Variants in CALN1 observed in about 807,000 individuals in gnomAD.
CALN1 encodes calcium-binding protein 8.
CALN1 carries 17 observed loss-of-function variants against 30.6 expected under a neutral mutation model. The observed-to-expected ratio is 0.56, with a 90% CI of 0.38 to 0.83. The LOEUF (loss-of-function observed/expected upper bound fraction) is 0.83. Ranked by LOEUF, CALN1 falls within the 40% of genes least tolerant of loss-of-function variation. The probability of loss-of-function intolerance (pLI) is 0.00; values close to 1 mark genes in which losing one functional copy is unlikely to be tolerated. For synonymous variants in CALN1, 156 were observed against 131.4 expected (o/e 1.19, Z -1.28); for missense variants, 291 against 354.9 (o/e 0.82, Z 1.45).
At chr7:71,982,756 G>A (rs539884867) in intron 5 of CALN1, among the ~76,000 whole-genome samples, 54 of 152,266 alleles carry the variant, frequency 3.5e-4, no homozygotes, top group African/African-American at 1.3e-3. Context: ...CCTTTCAGTG[G>A]AAAGCAGCCC....
At chr7:72,490,441 C>T in the CALN1 span, among the ~76,000 whole-genome samples, 2 of 152,136 alleles carry the variant, frequency 1.3e-5, no homozygotes, top group Non-Finnish European at 2.9e-5. Flanking sequence ...ACTGTGCTGC[C>T]GTGGCCATGT....
Position 72,315,974 on chromosome 7 carries a change from C to T in CALN1, c.120-37164G>A, listed in dbSNP as rs545779943. Reference sequence around the variant, plus strand: ...CCAGCCTGGCCAACATGGTGAAACCCCGTCTCTACTAAAAAAAAATACAAA... The same window carrying T: ...CCAGCCTGGCCAACATGGTGAAACCTCGTCTCTACTAAAAAAAAATACAAA... On this transcript the variant is annotated intron_variant, in intron 2 of 6. Coordinates refer to ENST00000395275, the MANE Select transcript of CALN1 (RefSeq NM_031468.4). Among the ~76,000 whole-genome samples, 14 of 151,842 alleles carry T rather than the reference C, an allele frequency of 9.2e-5. No individual in the cohort carries two copies. In the South Asian group the frequency reaches 2.9e-3, roughly 32 times the overall value.
chr7:72,242,358 A>T (rs1794898441), intron 3 of CALN1, among the ~76,000 whole-genome samples: 1 of 152,216 alleles, frequency 6.6e-6, no homozygotes, highest in Non-Finnish European at 1.5e-5. Flanking sequence ...GTATAGGCAT[A>T]AATTGATGGA....
chr7:72,118,913 C>T (rs897769668), intron 3 of CALN1, among the ~76,000 whole-genome samples: 2 of 151,972 alleles, frequency 1.3e-5, no homozygotes, highest in African/African-American at 4.8e-5. Context: ...ACTGCTCCTC[C>T]AAAAAAGCAT....
chr7:72,139,754 C>G (rs137952919), intron 3 of CALN1, among the ~76,000 whole-genome samples: 2 of 152,336 alleles, frequency 1.3e-5, no homozygotes, highest in Non-Finnish European at 2.9e-5. Flanking sequence ...AGTGCTCTGC[C>G]CCTCCTTAAC....
intron 5 of CALN1, among the ~76,000 whole-genome samples, chr7:72,015,438 T>C (rs534127914): frequency 6.6e-6 from 1 of 151,910 alleles, no homozygotes; most frequent in East Asian, 1.9e-4. Context: ...TCTTTCTTTT[T>C]TTTTTTTTTT....
chr7:72,161,999 TTA>T (rs1041381923), intron 3 of CALN1, among the ~76,000 whole-genome samples: 2 of 150,646 alleles, frequency 1.3e-5, no homozygotes, highest in Non-Finnish European at 1.5e-5. Context: ...ATATAATACT[TTA>T]TATATATATT....
intron 5 of CALN1, among the ~76,000 whole-genome samples, chr7:71,951,287 T>C (rs1796677067): frequency 6.6e-6 from 1 of 152,200 alleles, no homozygotes; most frequent in African/African-American, 2.4e-5. Context: ...ATGCTTTTAC[T>C]TACAGTAAAG....
chr7:72,052,956 G>A (rs1325663645), intron 4 of CALN1, among the ~76,000 whole-genome samples: 1 of 152,138 alleles, frequency 6.6e-6, no homozygotes, highest in Non-Finnish European at 1.5e-5. Flanking sequence ...AAGGCCAGGT[G>A]CGGTGGCTCA....
intron 3 of CALN1, among the ~76,000 whole-genome samples, chr7:72,132,051 T>C (rs748084303): frequency 1.3e-5 from 2 of 152,202 alleles, no homozygotes; most frequent in Non-Finnish European, 1.5e-5. Context: ...ATATGCAATA[T>C]ATGTTTATTG....
intron 3 of CALN1, among the ~76,000 whole-genome samples, chr7:72,205,551 A>AAATATATATATATATATAT: frequency 1.2e-5 from 1 of 83,046 alleles, no homozygotes; most frequent in Non-Finnish European, 2.0e-5. Flanking sequence ...GCAAAAAAAA[A>AAATATATATATATATATAT]ATATATATAT....
At chr7:72,396,422 CAAA>C (rs56030535) in intron 2 of CALN1, among the ~76,000 whole-genome samples, 6 of 113,780 alleles carry the variant, frequency 5.3e-5, no homozygotes, top group Admixed American at 9.2e-5. Flanking sequence ...GACTCTGTCT[CAAA>C]AAAAAAAAAA....
intron 3 of CALN1, among the ~76,000 whole-genome samples, chr7:72,203,314 G>A (rs1204235484): frequency 3.3e-5 from 5 of 151,658 alleles, no homozygotes; most frequent in Non-Finnish European, 7.4e-5. Flanking sequence ...TAACAAACCT[G>A]CACATTCTGC....
intron 5 of CALN1, among the ~76,000 whole-genome samples, chr7:71,957,292 ATATTTTTCT>A (rs1327379167): frequency 1.3e-5 from 2 of 152,162 alleles, no homozygotes; most frequent in African/African-American, 4.8e-5. Flanking sequence ...GTTAGATCTA[ATATTTTTCT>A]TGACTGTAAG....
At chr7:72,152,437 G>T (rs1387589902) in intron 3 of CALN1, among the ~76,000 whole-genome samples, 4 of 152,232 alleles carry the variant, frequency 2.6e-5, no homozygotes, top group Non-Finnish European at 4.4e-5. Flanking sequence ...GAGTTTGCAT[G>T]GTGCGAGAGA....
intron 2 of CALN1, among the ~76,000 whole-genome samples, chr7:72,315,649 G>C (rs779225808): frequency 5.3e-5 from 8 of 151,636 alleles, no homozygotes; most frequent in Non-Finnish European, 1.2e-4. Flanking sequence ...AGGCTGCAGT[G>C]AGCCATGACC....
chr7:71,991,930 G>C (rs1657910977), intron 5 of CALN1, among the ~76,000 whole-genome samples: 1 of 152,210 alleles, frequency 6.6e-6, no homozygotes, highest in African/African-American at 2.4e-5. Flanking sequence ...TGACCCTTAA[G>C]GGCATGTGAT....
chr7:72,313,904 G>A (rs1457255544), intron 2 of CALN1, among the ~76,000 whole-genome samples: 2 of 152,184 alleles, frequency 1.3e-5, no homozygotes, highest in African/African-American at 4.8e-5. Flanking sequence ...GCACAAAGAA[G>A]AGGGAATGGT....
intron 3 of CALN1, among the ~76,000 whole-genome samples, chr7:72,274,992 TC>T (rs906870116): frequency 6.6e-6 from 1 of 152,106 alleles, no homozygotes; most frequent in Non-Finnish European, 1.5e-5. Flanking sequence ...ATGCCTGTTT[TC>T]AGAGGATAAC....
Sources: gnomAD v4.1 joint callset for allele counts (sites outside exome capture counted in the v4.1 genomes callset) on GRCh38, gnomAD v4.1.1 for gene constraint, MANE v1.5 for transcripts, NCBI Gene and HGNC (gene_info 2026-07-23, HGNC 2026-07-21) for gene names.